Variants in CEP63 observed in about 807,000 individuals in gnomAD.
The protein encoded by CEP63 is centrosomal protein 63, also known as centrosomal protein of 63 kDa.
Under a neutral mutation model 89.1 loss-of-function variants are expected in CEP63, and 84 were observed. That is an observed-to-expected ratio of 0.94 (90% CI 0.79 to 1.13). The LOEUF (loss-of-function observed/expected upper bound fraction) is 1.13. Among genes scored for constraint, CEP63 ranks in the 50% most tolerant of loss-of-function variants. The pLI is 0.00. For synonymous variants in CEP63, 267 were observed against 272.5 expected, an observed-to-expected ratio of 0.98 and a Z score of 0.20; for missense variants, 838 against 813.3, an observed-to-expected ratio of 1.03 and a Z score of -0.37.
At chr3:134,701,331 C>CATAT in the CEP63 span, among the ~76,000 whole-genome samples, 44 of 8,192 alleles carry the variant, frequency 5.4e-3, 12 homozygotes, top group African/African-American at 0.022. Context: ...TATACATATA[C>CATAT]ACACACATAT....
the CEP63 span, chr3:134,627,821 A>T: frequency 6.2e-7 from 1 of 1,611,132 alleles, no homozygotes; most frequent in South Asian, 1.1e-5. Context: ...TTGTAAACCT[A>T]CAATATTCCA....
intron 2 of CEP63, among the ~76,000 whole-genome samples, chr3:134,502,650 T>A (rs1368136461): frequency 1.3e-5 from 2 of 152,148 alleles, no homozygotes; most frequent in African/African-American, 4.8e-5. Flanking sequence ...TGTACTTCTA[T>A]GGGATTGGTT....
chr3:134,605,073 G>A, the CEP63 span, among the ~76,000 whole-genome samples: 1 of 152,100 alleles, frequency 6.6e-6, no homozygotes, highest in African/African-American at 2.4e-5. Context: ...AATGGGTCCT[G>A]AAGAGTCAGT....
chr3:134,747,590 C>T, the CEP63 span, among the ~76,000 whole-genome samples: 1,209 of 152,298 alleles, frequency 7.9e-3, 15 homozygotes, highest in African/African-American at 0.028. Flanking sequence ...CTCAAGCTGA[C>T]AGTCCCACCT....
At chr3:134,632,065 A>G in the CEP63 span, among the ~76,000 whole-genome samples, 27 of 152,242 alleles carry the variant, frequency 1.8e-4, no homozygotes, top group African/African-American at 4.3e-4. Flanking sequence ...GCAAGAAGAC[A>G]TAACAACCTT....
chr3:134,690,742 G>GTTTTTTTTT, the CEP63 span, among the ~76,000 whole-genome samples: 1 of 84,946 alleles, frequency 1.2e-5, no homozygotes, highest in African/African-American at 5.8e-5. Flanking sequence ...GGAAGACCAA[G>GTTTTTTTTT]ATTTTTTTTT....
At chr3:134,602,766 T>C in the CEP63 span, among the ~76,000 whole-genome samples, 1 of 152,108 alleles carries the variant, frequency 6.6e-6, no homozygotes, top group Non-Finnish European at 1.5e-5. Flanking sequence ...TGTGTACTCC[T>C]CTCAGAGCAG....
chr3:134,692,840 G>A, the CEP63 span, among the ~76,000 whole-genome samples: 4 of 152,148 alleles, frequency 2.6e-5, no homozygotes, highest in South Asian at 4.1e-4. Context: ...GTTGGTCACC[G>A]TTGGTCACCC....
At chr3:134,746,405 A>G in the CEP63 span, among the ~76,000 whole-genome samples, 3 of 151,936 alleles carry the variant, frequency 2.0e-5, no homozygotes, top group Non-Finnish European at 4.4e-5. Flanking sequence ...TCTTTATAGT[A>G]GCATGATTTA....
chr3:134,581,941 C>G (rs1181616617), intron 10 of CEP63, among the ~76,000 whole-genome samples: 2 of 151,902 alleles, frequency 1.3e-5, no homozygotes, highest in Non-Finnish European at 2.9e-5. Context: ...TCCCAAAGTG[C>G]TGGGATTACA....
the CEP63 span, among the ~76,000 whole-genome samples, chr3:134,720,218 T>C: frequency 4.6e-5 from 7 of 152,188 alleles, no homozygotes; most frequent in Middle Eastern, 3.2e-3. Flanking sequence ...TAACCAATGA[T>C]GTTGAGCATC....
the CEP63 span, among the ~76,000 whole-genome samples, chr3:134,705,767 G>T: frequency 6.6e-6 from 1 of 152,146 alleles, no homozygotes; most frequent in African/African-American, 2.4e-5. Flanking sequence ...ACCACATTTG[G>T]TTCGCTCTCA....
chr3:134,714,563 A>C, the CEP63 span, among the ~76,000 whole-genome samples: 1 of 152,202 alleles, frequency 6.6e-6, no homozygotes, highest in Non-Finnish European at 1.5e-5. Context: ...GCATGGAGAA[A>C]TGGCTGAGTC....
chr3:134,627,655 C>T, the CEP63 span: 7 of 1,051,636 alleles, frequency 6.7e-6, no homozygotes, highest in South Asian at 4.0e-5. Flanking sequence ...CCCAGCCTCT[C>T]AGCATAGTGG....
the CEP63 span, chr3:134,620,753 G>C: frequency 6.2e-7 from 1 of 1,612,402 alleles, no homozygotes; most frequent in Admixed American, 1.7e-5. Flanking sequence ...GCCTACCTAT[G>C]TGATGGCAGA....
the CEP63 span, among the ~76,000 whole-genome samples, chr3:134,644,860 T>C: frequency 1.3e-5 from 2 of 152,220 alleles, no homozygotes; most frequent in Admixed American, 6.5e-5. Flanking sequence ...GCTAGGTCCC[T>C]GAGCCCCACA....
At chr3:134,735,318 C>G in the CEP63 span, among the ~76,000 whole-genome samples, 1 of 152,038 alleles carries the variant, frequency 6.6e-6, no homozygotes, top group African/African-American at 2.4e-5. Flanking sequence ...GATTTATTAA[C>G]ATTGAACTCA....
intron 1 of CEP63, among the ~76,000 whole-genome samples, chr3:134,494,048 TC>T (rs1187854049): frequency 8.5e-5 from 13 of 152,168 alleles, no homozygotes; most frequent in African/African-American, 3.1e-4. Flanking sequence ...CTCTTTCCTT[TC>T]TCACTGTCAC....
intron 3 of CEP63, 112 bp downstream of exon 3, chr3:134,507,398 G>GT (rs1943741131): frequency 1.3e-5 from 10 of 761,892 alleles, no homozygotes; most frequent in Middle Eastern, 3.0e-4. Context: ...TTAGTTTATT[G>GT]TTTTTTATTA....
Sources: allele counts gnomAD v4.1 joint callset (sites outside exome capture counted in the v4.1 genomes callset), GRCh38; gene constraint gnomAD v4.1.1; transcripts MANE v1.5; gene names NCBI Gene and HGNC (gene_info 2026-07-23, HGNC 2026-07-21).